The following CASP10 variants were observed in gnomAD, a reference collection of about 807,000 sequenced individuals.
The protein encoded by CASP10 is caspase 10.
CASP10 carries 41 observed loss-of-function variants against 48.5 expected under a neutral mutation model. The ratio of observed to expected loss-of-function variants is 0.85; its 90% CI spans 0.66 to 1.10. The LOEUF is 1.10. CASP10 is among the 50% of genes least tolerant of loss of function. The probability of loss-of-function intolerance (pLI) is 0.00; values close to 1 mark genes in which losing one functional copy is unlikely to be tolerated. For synonymous variants in CASP10, 232 were observed against 238.4 expected (o/e 0.97, Z 0.25); for missense variants, 614 against 614.5 (o/e 1.00, Z 0.01).
chr2:201,189,055 A>G (rs1944514921), intron 3 of CASP10, among the ~76,000 whole-genome samples: 1 of 151,254 alleles, frequency 6.6e-6, no homozygotes, highest in South Asian at 2.1e-4. Context: ...TATTTTTAGT[A>G]GAGATAGGGT....
At chr2:201,224,010 T>C (rs1160385642), downstream of CASP10, among the ~76,000 whole-genome samples, 1 of 151,468 alleles carries the variant, frequency 6.6e-6, no homozygotes, top group East Asian at 1.9e-4. Context: ...CTTGCTATGT[T>C]GCCCAGGCTG....
intron 5 of CASP10, 82 bp from the exon 6 acceptor site, chr2:201,203,648 C>G: frequency 8.3e-7 from 1 of 1,203,618 alleles, no homozygotes; most frequent in Admixed American, 1.7e-5. Context: ...ATCTGTCCTT[C>G]CCTGCATCAA....
chr2:201,213,868 G>A (rs1945482626), intron 9 of CASP10: 1 of 152,144 alleles, frequency 6.6e-6, no homozygotes, highest in South Asian at 2.1e-4. Flanking sequence ...TGCCTCATAA[G>A]GATAATATCA....
intron 9 of CASP10, chr2:201,228,898 A>G (rs772157315): frequency 6.2e-7 from 1 of 1,609,636 alleles, no homozygotes; most frequent in African/African-American, 1.3e-5. Context: ...CCACTCAGTC[A>G]AAGTTCCCCT....
At chr2:201,227,091 G>C (rs1945797006) in intron 9 of CASP10, among the ~76,000 whole-genome samples, 1 of 152,100 alleles carries the variant, frequency 6.6e-6, no homozygotes, top group Non-Finnish European at 1.5e-5. Context: ...GGGGGACAGG[G>C]GGGAACATGC....
chr2:201,205,644 G>T (rs1945176259), intron 6 of CASP10, among the ~76,000 whole-genome samples: 1 of 152,044 alleles, frequency 6.6e-6, no homozygotes, highest in African/African-American at 2.4e-5. Flanking sequence ...CTGATCCATG[G>T]GATCTTAATT....
At chr2:201,215,211 G>GTTTTTTT (rs10616229) in intron 9 of CASP10, among the ~76,000 whole-genome samples, 1 of 29,878 alleles carries the variant, frequency 3.3e-5, no homozygotes, top group African/African-American at 1.1e-4. Flanking sequence ...TCTTCCCTCG[G>GTTTTTTT]TTTTTTTTTT....
chr2:201,211,022 T>A (rs946777965), intron 9 of CASP10, among the ~76,000 whole-genome samples: 2 of 152,184 alleles, frequency 1.3e-5, no homozygotes, highest in Non-Finnish European at 2.9e-5. Flanking sequence ...ATATATGTGT[T>A]GTATAATGAT....
chr2:201,222,161 C>T (rs1945733372), downstream of CASP10, among the ~76,000 whole-genome samples: 1 of 151,810 alleles, frequency 6.6e-6, no homozygotes, highest in African/African-American at 2.4e-5. Context: ...TAGTTGTACT[C>T]ACCTACAAGA....
At chr2:201,213,006 T>G (rs1228542039) in intron 9 of CASP10, 3 of 152,202 alleles carry the variant, frequency 2.0e-5, no homozygotes, top group Non-Finnish European at 4.4e-5. Context: ...GAGTTCTTTT[T>G]GTGAGGGTTG....
At chr2:201,197,208 C>G (rs1434910158) in intron 5 of CASP10, among the ~76,000 whole-genome samples, 1 of 151,944 alleles carries the variant, frequency 6.6e-6, no homozygotes, top group African/African-American at 2.4e-5. Context: ...AATTCTTGGG[C>G]TCAAGCAATC....
intron 6 of CASP10, among the ~76,000 whole-genome samples, 159 bp from the exon 7 acceptor site, chr2:201,205,721 GAC>G: frequency 6.6e-6 from 1 of 152,328 alleles, no homozygotes; most frequent in East Asian, 1.9e-4. Context: ...AGAATGCGAA[GAC>G]ACATCAGTCT....
intron 7 of CASP10, 76 bp from the exon 8 acceptor site, chr2:201,207,999 A>G: frequency 2.1e-6 from 2 of 947,358 alleles, no homozygotes; most frequent in South Asian, 2.6e-5. Flanking sequence ...CAGTGGATCC[A>G]TTGGAGTGGT....
At position 201,218,811 on chromosome 2, in the gene CASP10, T is replaced by G; in HGVS notation, c.*1070T>G. The G allele has an allele frequency of 1.0e-6, 1 of 985,424 alleles. No individual in the cohort carries two copies. The highest frequency in any genetic ancestry group is 1.2e-6 in the Non-Finnish European group (1 of 829,948). The allele number at this position is 985,424 out of a possible 1,614,324, so 61.0% of individuals were successfully genotyped here. A position where few individuals can be genotyped will look rare whatever the true frequency, so the allele number is the denominator to read the frequency against. On this transcript the variant is annotated 3_prime_UTR_variant, in exon 10 of 10. Transcript: ENST00000286186. ...TAAGACTTCTCTTTTGCACATCTAGTGAGGTGAAAATTTGGTCTATGCCAG... is the reference window on the plus strand; with the variant it reads ...TAAGACTTCTCTTTTGCACATCTAGGGAGGTGAAAATTTGGTCTATGCCAG...
intron 6 of CASP10, among the ~76,000 whole-genome samples, chr2:201,204,321 G>A (rs1945129438): frequency 6.6e-6 from 1 of 152,156 alleles, no homozygotes; most frequent in South Asian, 2.1e-4. Flanking sequence ...TCTTTCTGTG[G>A]TATGTAAAGT....
At position 201,219,898 on chromosome 2, in the gene CASP10, G is replaced by T. The variant is rs578257204; in HGVS notation, c.*2157G>T. 3 of 985,364 alleles carry T rather than the reference G, an allele frequency of 3.0e-6. No individual in the cohort carries two copies. The highest frequency in any genetic ancestry group is 9.4e-5 in the South Asian group (2 of 21,288). The allele number at this position is 985,364 out of a possible 1,614,324, so 61.0% of individuals were successfully genotyped here. A position where few individuals can be genotyped will look rare whatever the true frequency, so the allele number is the denominator to read the frequency against. On this transcript the variant is annotated 3_prime_UTR_variant, in exon 10 of 10. Transcript: ENST00000286186. The stretch of plus-strand genomic sequence containing the variant: ...CTCACAGTCCTCATTTACTGGATTT[G>T]ACTTCAGCCAGGTGAACTGGAATGC...
At chr2:201,221,854 C>T (rs41494347), downstream of CASP10, among the ~76,000 whole-genome samples, 656 of 152,308 alleles carry the variant, frequency 4.3e-3, 3 homozygotes, top group African/African-American at 0.015. Flanking sequence ...GCAAGCACTT[C>T]GGAGGTCCCT....
intron 5 of CASP10, among the ~76,000 whole-genome samples, chr2:201,202,045 T>C (rs1011840260): frequency 6.6e-6 from 1 of 152,134 alleles, no homozygotes; most frequent in Non-Finnish European, 1.5e-5. Flanking sequence ...AGAGATGGGG[T>C]TTCGCCATGT....
intron 9 of CASP10, chr2:201,214,904 A>C (rs921587711): frequency 3.9e-5 from 6 of 152,120 alleles, no homozygotes; most frequent in Non-Finnish European, 8.8e-5. Flanking sequence ...TACCCCCAGA[A>C]GTGATATGAT....
Sources: allele counts gnomAD v4.1 joint callset (sites outside exome capture counted in the v4.1 genomes callset), GRCh38; gene constraint gnomAD v4.1.1; transcripts MANE v1.5; gene names NCBI Gene and HGNC (gene_info 2026-07-23, HGNC 2026-07-21).